LCT: variants seen among roughly 807,000 people sequenced by gnomAD.
The protein encoded by LCT is lactase/phlorizin hydrolase.
A neutral mutation model predicts 173.0 loss-of-function variants in LCT; 90 were observed. The observed-to-expected ratio is 0.52, with a 90% confidence interval of 0.44 to 0.62. The LOEUF (loss-of-function observed/expected upper bound fraction) is 0.62. LCT is among the 20% of genes least tolerant of loss of function. LCT has a pLI of 0.00. For synonymous variants in LCT, 853 were observed against 957.6 expected, an observed-to-expected ratio of 0.89 and a Z score of 2.02; for missense variants, 1,864 against 2,431.4, an observed-to-expected ratio of 0.77 and a Z score of 4.91.
chr2:135,808,751 G>A lies in LCT; in HGVS notation c.3596C>T (p.Ala1199Val), dbSNP rs754374949. Residue 1199 changes from alanine (A) to valine (V), a missense_variant, in exon 8 of 17, where the codon GCG becomes GTG. Ala to Val is a moderately conservative substitution (Grantham distance 64). Around this residue, in one of 4 missense-constraint regions of LCT, gnomAD observed 755 missense variants for 926.3 expected, o/e 0.82. Transcript: ENST00000264162. ...FTEEEKRFIR[A>V]TADVFCLNTY... is the part of the protein sequence containing the mutation. The stretch of plus-strand genomic sequence containing the variant: ...GTTGAGGCAGAAGACGTCGGCCGTC[G>A]CCCTGATGAACCTCTTCTCTTCCTC... 3.1e-6 allele frequency: 5 copies of A among 1,614,092 alleles called. No homozygotes were observed. The highest frequency in any genetic ancestry group is 4.2e-6 in the Non-Finnish European group (5 of 1,179,982).
At chr2:135,823,273 C>T (rs990032584) in intron 4 of LCT, among the ~76,000 whole-genome samples, 2 of 152,156 alleles carry the variant, frequency 1.3e-5, no homozygotes, top group African/African-American at 4.8e-5. Flanking sequence ...CTTGCAGAGT[C>T]TCCAGTGACT....
Position 135,829,635 on chromosome 2 carries a change from G to T in LCT, c.762C>A (p.Cys254Ter). Residue 254 changes from cysteine to a stop codon, truncating the protein, a stop_gained, in exon 3 of 17, where the codon TGC becomes TGA. Transcript: ENST00000264162. LOFTEE classifies it high-confidence loss of function. The part of the protein sequence containing the change: ...DFLSLDLSYE[C>*]QNEASLRQKL... ...TCTGCCGCAGACTTGCCTCATTTTGGCATTCATAAGACAAATCAAGAGAGA... is the reference window on the plus strand; with the variant it reads ...TCTGCCGCAGACTTGCCTCATTTTGTCATTCATAAGACAAATCAAGAGAGA... The T allele has an allele frequency of 1.9e-6, 3 of 1,613,858 alleles. No individual in the cohort carries two copies. Among genetic ancestry groups the T allele is most frequent in the African/African-American group, 1.3e-5 (1 of 75,034 alleles).
chr2:135,826,771 G>T (rs575432177), intron 3 of LCT, among the ~76,000 whole-genome samples: 52 of 152,224 alleles, frequency 3.4e-4, no homozygotes, highest in African/African-American at 1.3e-3. Context: ...GGCAGCTTTA[G>T]TCATCACAGG....
chr2:135,795,970 A>G (rs549691062), intron 13 of LCT, among the ~76,000 whole-genome samples: 1 of 152,198 alleles, frequency 6.6e-6, no homozygotes, highest in East Asian at 1.9e-4. Flanking sequence ...TATATTGCCC[A>G]GGCTGGTCTT....
At chr2:135,793,630 TG>T (rs1363922615) in intron 14 of LCT, among the ~76,000 whole-genome samples, 1 of 152,182 alleles carries the variant, frequency 6.6e-6, no homozygotes, top group Non-Finnish European at 1.5e-5. Context: ...AAGAAATCTC[TG>T]AATTGCCAGA....
intron 5 of LCT, among the ~76,000 whole-genome samples, chr2:135,819,856 C>G (rs1039383398): frequency 2.0e-5 from 3 of 152,176 alleles, no homozygotes; most frequent in Non-Finnish European, 4.4e-5. Context: ...TGACTGTCCT[C>G]CTGGATTGCA....
chr2:135,800,554 C>T (rs981352070), intron 12 of LCT, 53 bp downstream of exon 12: 21 of 1,420,912 alleles, frequency 1.5e-5, no homozygotes, highest in Non-Finnish European at 2.0e-5. Flanking sequence ...TTCCATTAGG[C>T]TGGAAGGAAA....
rs546571126 is a variant in LCT, at chr2:135,806,152, A to T, written c.4173+976T>A. Among the ~76,000 whole-genome samples the T allele has an allele frequency of 5.0e-4, 76 of 152,088 alleles. 1 individual carries two copies. Among genetic ancestry groups the T allele is most frequent in the Admixed American group, 2.9e-3 (45 of 15,286 alleles). On this transcript the variant is annotated intron_variant, in intron 9 of 16. Coordinates refer to ENST00000264162, the MANE Select transcript of LCT (RefSeq NM_002299.4). ...AGGAGCACACCACCACACTTGGCTA[A>T]TTTTTTTGATTTTTTTATAGAGATA...
At chr2:135,798,570 G>T (rs1223360914) in intron 12 of LCT, among the ~76,000 whole-genome samples, 4 of 152,228 alleles carry the variant, frequency 2.6e-5, no homozygotes, top group Non-Finnish European at 5.9e-5. Flanking sequence ...AACTTTCTGG[G>T]GAGGGCTGAA....
At chr2:135,788,792 C>T (rs2077511913) in intron 16 of LCT, among the ~76,000 whole-genome samples, 1 of 152,138 alleles carries the variant, frequency 6.6e-6, no homozygotes, top group African/African-American at 2.4e-5. Context: ...GACATGCTTG[C>T]TTGGGATCAG....
chr2:135,806,534 C>G lies in LCT; in HGVS notation c.4173+594G>C, dbSNP rs557515791. On this transcript the variant is annotated intron_variant, in intron 9 of 16. Transcript: ENST00000264162. Reference sequence around the variant, plus strand: ...TCACCCAAAGCAACTCCCAGTCCAGCAGGCTCCATTCATGGTGAGTACCCT... The same window carrying G: ...TCACCCAAAGCAACTCCCAGTCCAGGAGGCTCCATTCATGGTGAGTACCCT... 3.3e-5 allele frequency among the ~76,000 whole-genome samples: 5 copies of G among 152,286 alleles called. 1 individual carries two copies. Among genetic ancestry groups the G allele is most frequent in the African/African-American group, 1.2e-4 (5 of 41,526 alleles).
Position 135,836,905 on chromosome 2 carries a change from C to G in LCT, c.265G>C (p.Val89Leu), listed in dbSNP as rs1679415855. The change falls in exon 1 of 17, where the codon GTA becomes CTA. Residue 89 changes from valine to leucine, a missense_variant. Transcript: ENST00000264162. ...AGGAGCTGTGCCCATGACAGAAATA[C>G]CTTATAATGGGTGATCTGACTGGCA... ...LHASQITHYK[V>L]FLSWAQLLPA... 6.2e-7 allele frequency: 1 copy of G among 1,614,004 alleles called. No individual in the cohort carries two copies. The highest frequency in any genetic ancestry group is 1.3e-5 in the African/African-American group (1 of 74,894).
intron 6 of LCT, 28 bp from the exon 7 acceptor site, chr2:135,812,984 G>C (rs770991541): frequency 1.2e-6 from 2 of 1,601,498 alleles, no homozygotes; most frequent in Non-Finnish European, 1.7e-6. Context: ...AGGAAATACA[G>C]TGATTAGTAA....
At chr2:135,798,743 A>G (rs2077602167) in intron 12 of LCT, among the ~76,000 whole-genome samples, 1 of 152,174 alleles carries the variant, frequency 6.6e-6, no homozygotes, top group African/African-American at 2.4e-5. Context: ...TGGGGGTTTG[A>G]GAGCCTTCTG....
intron 3 of LCT, among the ~76,000 whole-genome samples, chr2:135,829,135 G>C (rs2077911898): frequency 6.6e-6 from 1 of 151,942 alleles, no homozygotes; most frequent in Non-Finnish European, 1.5e-5. Flanking sequence ...AGGCTGCAGT[G>C]AGCCAAGATC....
chr2:135,819,867 T>A (rs2077813539), intron 5 of LCT, among the ~76,000 whole-genome samples: 1 of 152,130 alleles, frequency 6.6e-6, no homozygotes, highest in African/African-American at 2.4e-5. Context: ...CTGGATTGCA[T>A]GAAGAGTTTT....
chr2:135,821,041 C>T (rs996303185), intron 5 of LCT, among the ~76,000 whole-genome samples: 3 of 152,046 alleles, frequency 2.0e-5, no homozygotes, highest in East Asian at 1.9e-4. Flanking sequence ...CCACCATGCC[C>T]GGCTAATTTT....
At chr2:135,818,793 C>A (rs112347136) in intron 5 of LCT, among the ~76,000 whole-genome samples, 2 of 152,094 alleles carry the variant, frequency 1.3e-5, no homozygotes, top group Non-Finnish European at 2.9e-5. Context: ...GCTGAGATCA[C>A]GCCATTGCAC....
At chr2:135,808,385 G>T in intron 8 of LCT, 58 bp downstream of exon 8, 2 of 1,312,416 alleles carry the variant, frequency 1.5e-6, no homozygotes, top group Non-Finnish European at 2.2e-6. Flanking sequence ...AACATTTCAG[G>T]CATATGACCC....
Sources: allele counts gnomAD v4.1 joint callset (sites outside exome capture counted in the v4.1 genomes callset), GRCh38; gene constraint gnomAD v4.1.1; regional missense constraint gnomAD v4.1.1; transcripts MANE v1.5; gene names NCBI Gene and HGNC (gene_info 2026-07-23, HGNC 2026-07-21).